NOL10: variants seen among roughly 807,000 people sequenced by gnomAD.
NOL10 encodes the protein nucleolar protein 10.
NOL10 carries 58 observed loss-of-function variants against 103.5 expected under a neutral mutation model. That is an observed-to-expected ratio of 0.56 (90% CI 0.45 to 0.70). NOL10 has a LOEUF of 0.70. Among genes scored for constraint, NOL10 ranks in the 30% least tolerant of loss-of-function variants. The pLI, the probability that NOL10 is intolerant of heterozygous loss-of-function variation, is 0.00. For missense variants in NOL10, 763 were observed against 807.3 expected, an observed-to-expected ratio of 0.95 and a Z score of 0.67; for synonymous variants, 287 against 282.5, an observed-to-expected ratio of 1.02 and a Z score of -0.16.
intron 14 of NOL10, among the ~76,000 whole-genome samples, chr2:10,604,151 G>A (rs375767802): frequency 1.1e-4 from 17 of 152,288 alleles, no homozygotes; most frequent in Admixed American, 4.6e-4. Flanking sequence ...GGCAGGAGGC[G>A]GAGCTCAGGC....
At chr2:10,575,987 A>G (rs1174575912) in intron 20 of NOL10, among the ~76,000 whole-genome samples, 1 of 152,244 alleles carries the variant, frequency 6.6e-6, no homozygotes, top group Non-Finnish European at 1.5e-5. Flanking sequence ...ACTTAGAATA[A>G]TGAAGTTTTT....
chr2:10,578,736 G>C (rs1416531027), intron 19 of NOL10, among the ~76,000 whole-genome samples: 1 of 152,166 alleles, frequency 6.6e-6, no homozygotes, highest in South Asian at 2.1e-4. Context: ...ACTGAATTAA[G>C]CCTAATGATA....
chr2:10,644,209 C>G (rs1304524969), intron 13 of NOL10, 111 bp downstream of exon 13: 8 of 734,282 alleles, frequency 1.1e-5, no homozygotes, highest in Non-Finnish European at 1.7e-5. Context: ...GGCTGCACCA[C>G]TGCACCCCAG....
intron 12 of NOL10, among the ~76,000 whole-genome samples, chr2:10,645,837 A>G (rs1406994102): frequency 2.6e-5 from 4 of 151,722 alleles, no homozygotes; most frequent in Admixed American, 6.6e-5. Flanking sequence ...CCTCGATACT[A>G]TCTTACCAAA....
At chr2:10,667,133 G>T in intron 8 of NOL10, 85 bp downstream of exon 8, 2 of 947,716 alleles carry the variant, frequency 2.1e-6, no homozygotes, top group South Asian at 1.4e-5. Flanking sequence ...CCTGCTCTAA[G>T]GAATCAAGCA....
chr2:10,618,238 GTT>G (rs1553302180), intron 13 of NOL10, among the ~76,000 whole-genome samples: 37,182 of 130,236 alleles, frequency 0.29, 6,334 homozygotes, highest in African/African-American at 0.49. Flanking sequence ...TTAAAAAGCT[GTT>G]TTTTTAAAAA....
In NOL10 at chr2:10,622,470, TTTAG is replaced by T. The variant is rs1677203469; in HGVS notation, c.1027-15163_1027-15160del. Among the ~76,000 whole-genome samples the T allele has an allele frequency of 2.1e-5, 3 of 139,906 alleles. No homozygotes were observed. The East Asian group carries it at 6.1e-4, about 28-fold the overall frequency. 91.8% of individuals were successfully genotyped at this position (139,906 alleles called of 152,430 possible). ...ATTGTTACAAGGTTAAATTTTTTTTTTTAGTTAGAGCGTTTTTCAAAAAAAAAGA... is the reference window on the plus strand; with the variant it reads ...ATTGTTACAAGGTTAAATTTTTTTTTTTAGAGCGTTTTTCAAAAAAAAAGA... On this transcript the variant is annotated intron_variant, in intron 13 of 20. Transcript: ENST00000381685.
At chr2:10,688,192 C>T (rs1268438371) in intron 1 of NOL10, among the ~76,000 whole-genome samples, 1 of 152,200 alleles carries the variant, frequency 6.6e-6, no homozygotes, top group Non-Finnish European at 1.5e-5. Flanking sequence ...ACCAGGCAAG[C>T]CCAAGCCACC....
intron 5 of NOL10, among the ~76,000 whole-genome samples, chr2:10,673,149 A>G (rs1239878239): frequency 6.6e-6 from 1 of 152,350 alleles, no homozygotes; most frequent in East Asian, 1.9e-4. Context: ...TTCACATATA[A>G]ATAAGAAAAT....
At chr2:10,656,685 G>A (rs1679860421) in intron 11 of NOL10, among the ~76,000 whole-genome samples, 1 of 152,226 alleles carries the variant, frequency 6.6e-6, no homozygotes, top group Admixed American at 6.5e-5. Flanking sequence ...AGCCCCCACG[G>A]AATAGACGGG....
At chr2:10,604,267 T>C (rs1343665138) in intron 14 of NOL10, among the ~76,000 whole-genome samples, 1 of 152,214 alleles carries the variant, frequency 6.6e-6, no homozygotes, top group Non-Finnish European at 1.5e-5. Flanking sequence ...ACCCCTGGTA[T>C]AAGTGACTGT....
At chr2:10,598,142 A>T (rs1414851184) in intron 17 of NOL10, among the ~76,000 whole-genome samples, 1 of 152,310 alleles carries the variant, frequency 6.6e-6, no homozygotes, top group South Asian at 2.1e-4. Context: ...TCAACTGAGT[A>T]TGTTCATAAA....
chr2:10,591,652 A>C (rs1675396709), intron 17 of NOL10, among the ~76,000 whole-genome samples: 1 of 152,086 alleles, frequency 6.6e-6, no homozygotes, highest in Non-Finnish European at 1.5e-5. Context: ...GGAGGGAGAC[A>C]GGGAAGGAGG....
intron 12 of NOL10, among the ~76,000 whole-genome samples, chr2:10,653,393 C>A (rs187263074): frequency 1.0e-3 from 157 of 152,208 alleles, no homozygotes; most frequent in African/African-American, 3.6e-3. Context: ...ATAATCTTTC[C>A]AAACTTGCTC....
chr2:10,657,762 T>A lies in NOL10; in HGVS notation c.886A>T (p.Lys296Ter). The A allele has an allele frequency of 2.6e-6, 4 of 1,550,726 alleles. No homozygotes were observed. Among genetic ancestry groups the A allele is most frequent in the Non-Finnish European group, 3.5e-6 (4 of 1,146,674 alleles). The stretch of plus-strand genomic sequence containing the variant: ...CATACGGAGTTCTTATTCCACATCT[T>A]GACAATTCGAGAGTCAGCAGACAAA... The part of the protein sequence containing the change: ...LILSADSRIV[K>*]MWNKNSGKIF... The change falls in exon 11 of 21, where the codon AAG (lysine) becomes TAG (stop). Residue 296 changes from lysine (K) to a stop codon, truncating the protein, a stop_gained. Coordinates refer to ENST00000381685, the MANE Select transcript of NOL10 (RefSeq NM_024894.4). LOFTEE classifies it high-confidence loss of function.
At chr2:10,578,528 G>GT (rs1186918648) in intron 19 of NOL10, among the ~76,000 whole-genome samples, 1 of 151,916 alleles carries the variant, frequency 6.6e-6, no homozygotes, top group Non-Finnish European at 1.5e-5. Context: ...TATATAATCT[G>GT]TGTCTCTGTT....
chr2:10,659,800 G>GT (rs1680076326), intron 9 of NOL10, among the ~76,000 whole-genome samples: 1 of 152,060 alleles, frequency 6.6e-6, no homozygotes, highest in African/African-American at 2.4e-5. Flanking sequence ...CCAGAATAAG[G>GT]TATTTATAGA....
intron 19 of NOL10, among the ~76,000 whole-genome samples, chr2:10,580,536 T>A (rs186740923): frequency 6.6e-6 from 1 of 152,132 alleles, no homozygotes; most frequent in East Asian, 1.9e-4. Flanking sequence ...AGAAAATAGA[T>A]ACAGGCTTTA....
At chr2:10,664,680 T>C (rs1680458935) in intron 8 of NOL10, among the ~76,000 whole-genome samples, 3 of 152,132 alleles carry the variant, frequency 2.0e-5, no homozygotes, top group African/African-American at 4.8e-5. Context: ...GCTGCATCTA[T>C]GGTATGCACC....
Sources: allele counts gnomAD v4.1 joint callset (sites outside exome capture counted in the v4.1 genomes callset), GRCh38; gene constraint gnomAD v4.1.1; transcripts MANE v1.5; gene names NCBI Gene and HGNC (gene_info 2026-07-23, HGNC 2026-07-21).